The following SH3PXD2A variants were observed in gnomAD, a reference collection of about 807,000 sequenced individuals.
The protein encoded by SH3PXD2A is SH3 and PX domains 2A.
SH3PXD2A carries 32 observed loss-of-function variants against 115.2 expected under a neutral mutation model. The observed-to-expected ratio is 0.28, with a 90% CI of 0.21 to 0.37. The LOEUF is 0.37. SH3PXD2A is among the 10% of genes least tolerant of loss of function. The probability of loss-of-function intolerance (pLI) is 1.00; values close to 1 mark genes in which losing one functional copy is unlikely to be tolerated. For synonymous variants in SH3PXD2A, 610 were observed against 629.1 expected, an observed-to-expected ratio of 0.97 and a Z score of 0.45; for missense variants, 1,328 against 1,498.7, an observed-to-expected ratio of 0.89 and a Z score of 1.88.
intron 6 of SH3PXD2A, among the ~76,000 whole-genome samples, chr10:103,672,584 G>C (rs902134266): frequency 6.6e-6 from 1 of 152,252 alleles, no homozygotes; most frequent in African/African-American, 2.4e-5. Context: ...AAGAATAAAA[G>C]CAACCTTGGT....
intron 2 of SH3PXD2A, among the ~76,000 whole-genome samples, chr10:103,782,827 CAA>C (rs1177829829): frequency 2.9e-4 from 13 of 45,386 alleles, no homozygotes; most frequent in African/African-American, 9.4e-4. Flanking sequence ...TCCATCTCTC[CAA>C]AAAAAAAAAA....
At chr10:103,603,839 T>A in intron 14 of SH3PXD2A, 50 bp from the exon 15 acceptor site, 1 of 1,519,988 alleles carries the variant, frequency 6.6e-7, no homozygotes, top group Non-Finnish European at 8.8e-7. Context: ...TCTGGAACCC[T>A]ATGACATCCC....
At chr10:103,795,343 C>A (rs1436530698) in intron 2 of SH3PXD2A, among the ~76,000 whole-genome samples, 2 of 152,126 alleles carry the variant, frequency 1.3e-5, no homozygotes, top group Non-Finnish European at 2.9e-5. Context: ...GCGTGTGAGT[C>A]TGGGTCTGAA....
At chr10:103,854,713 T>C (rs1422622819) in intron 1 of SH3PXD2A, among the ~76,000 whole-genome samples, 7 of 152,162 alleles carry the variant, frequency 4.6e-5, no homozygotes, top group Admixed American at 2.0e-4. Context: ...GGCTTCCTTC[T>C]GCCCCCAGCC....
At chr10:103,832,326 C>T (rs1392184812) in intron 1 of SH3PXD2A, among the ~76,000 whole-genome samples, 1 of 148,554 alleles carries the variant, frequency 6.7e-6, no homozygotes, top group African/African-American at 2.5e-5. Context: ...ATAGTCTCTA[C>T]ACCCTAGAAT....
At chr10:103,831,058 C>T (rs1370896000) in intron 1 of SH3PXD2A, among the ~76,000 whole-genome samples, 1 of 152,216 alleles carries the variant, frequency 6.6e-6, no homozygotes, top group Non-Finnish European at 1.5e-5. Flanking sequence ...TCTGTGTTTG[C>T]ATGCTTTTAC....
intron 1 of SH3PXD2A, among the ~76,000 whole-genome samples, chr10:103,841,050 T>G (rs796744489): frequency 7.2e-5 from 11 of 152,324 alleles, no homozygotes; most frequent in African/African-American, 2.6e-4. Flanking sequence ...GATACAATAC[T>G]GATAGGAACA....
intron 1 of SH3PXD2A, among the ~76,000 whole-genome samples, chr10:103,850,157 C>A (rs986252109): frequency 2.6e-5 from 4 of 152,188 alleles, no homozygotes; most frequent in African/African-American, 9.7e-5. Flanking sequence ...TTGGAAAATG[C>A]AGCAGCTGGG....
intron 4 of SH3PXD2A, among the ~76,000 whole-genome samples, chr10:103,729,931 A>T (rs986191597): frequency 1.3e-5 from 2 of 152,178 alleles, no homozygotes; most frequent in Admixed American, 6.5e-5. Context: ...ATGGCCAATG[A>T]TGCAGGTGTA....
intron 6 of SH3PXD2A, among the ~76,000 whole-genome samples, chr10:103,672,621 C>T (rs1198835676): frequency 1.3e-5 from 2 of 152,214 alleles, no homozygotes; most frequent in African/African-American, 4.8e-5. Flanking sequence ...CCACTTAGCT[C>T]GCTGACTCTG....
intron 6 of SH3PXD2A, among the ~76,000 whole-genome samples, chr10:103,692,450 G>A (rs3781335): frequency 0.52 from 78,450 of 151,926 alleles, 20,969 homozygotes; most frequent in African/African-American, 0.67. Context: ...GCCAAAACGC[G>A]GAGCCCCCAC....
At chr10:103,809,710 A>G (rs1160018756) in intron 1 of SH3PXD2A, among the ~76,000 whole-genome samples, 1 of 121,798 alleles carries the variant, frequency 8.2e-6, no homozygotes, top group African/African-American at 3.2e-5. Flanking sequence ...TTTGAGAGAG[A>G]GTCTCGCTCT....
chr10:103,825,664 T>C (rs529157458), intron 1 of SH3PXD2A, among the ~76,000 whole-genome samples: 1 of 152,200 alleles, frequency 6.6e-6, no homozygotes, highest in South Asian at 2.1e-4. Context: ...GGCATGCCCC[T>C]AGAGACTCTC....
At chr10:103,834,231 G>A (rs1377561466) in intron 1 of SH3PXD2A, among the ~76,000 whole-genome samples, 1 of 152,184 alleles carries the variant, frequency 6.6e-6, no homozygotes, top group Non-Finnish European at 1.5e-5. Flanking sequence ...GCTGTGTCCA[G>A]GACCCCTCGG....
At chr10:103,781,314 T>C (rs1261947762) in intron 2 of SH3PXD2A, among the ~76,000 whole-genome samples, 2 of 152,168 alleles carry the variant, frequency 1.3e-5, no homozygotes, top group Non-Finnish European at 2.9e-5. Context: ...ACCCTTCCCT[T>C]TGGCATAACC....
In SH3PXD2A at chr10:103,602,407, G is replaced by A. The variant is rs763092334; in HGVS notation, c.2811C>T (p.Asn937=). 1 of 1,613,982 alleles carries A rather than the reference G, an allele frequency of 6.2e-7. No homozygotes were observed. The highest frequency in any genetic ancestry group is 8.5e-7 in the Non-Finnish European group (1 of 1,180,022). The change falls in exon 15 of 15, where the codon AAC becomes AAT. Residue 937 remains asparagine (N), a synonymous_variant. Coordinates refer to ENST00000369774, the MANE Select transcript of SH3PXD2A (RefSeq NM_001394015.1). The part of the protein sequence containing the change: ...EKIERRVQAL[N]TVNQSKKATP... ...TGGCCTTCTTGCTCTGGTTGACGGT[G>A]TTCAGTGCTTGGACGCGCCTCTCGA...
intron 8 of SH3PXD2A, among the ~76,000 whole-genome samples, chr10:103,640,302 G>A (rs1453605075): frequency 6.7e-6 from 1 of 148,532 alleles, no homozygotes; most frequent in Non-Finnish European, 1.5e-5. Flanking sequence ...GTGACAGAGC[G>A]TGACTCCATC....
At chr10:103,609,386 GTCA>G (rs1471463926) in intron 13 of SH3PXD2A, 4 of 152,222 alleles carry the variant, frequency 2.6e-5, no homozygotes, top group African/African-American at 4.8e-5. Context: ...TCTTTGGCTG[GTCA>G]TCATGACAAG....
At chr10:103,825,654 G>A (rs2039422809) in intron 1 of SH3PXD2A, among the ~76,000 whole-genome samples, 2 of 152,090 alleles carry the variant, frequency 1.3e-5, no homozygotes, top group Admixed American at 1.3e-4. Context: ...AGAGTCCTGT[G>A]GCATGCCCCT....
Sources: allele counts gnomAD v4.1 joint callset (sites outside exome capture counted in the v4.1 genomes callset), GRCh38; gene constraint gnomAD v4.1.1; transcripts MANE v1.5; gene names NCBI Gene and HGNC (gene_info 2026-07-23, HGNC 2026-07-21).